The following YTHDC2 variants were observed in gnomAD, a reference collection of about 807,000 sequenced individuals.
YTHDC2 encodes the protein 3'-5' RNA helicase YTHDC2.
YTHDC2 carries 45 observed loss-of-function variants against 174.9 expected under a neutral mutation model. The ratio of observed to expected loss-of-function variants is 0.26; its 90% CI spans 0.20 to 0.33. The LOEUF is 0.33. YTHDC2 is among the 10% of genes least tolerant of loss of function. The pLI is 1.00. For synonymous variants in YTHDC2, 657 were observed against 574.5 expected (o/e 1.14, Z -2.05); for missense variants, 1,650 against 1,723.7 (o/e 0.96, Z 0.76).
At chr5:113,569,553 T>G (rs1482883830) in intron 23 of YTHDC2, among the ~76,000 whole-genome samples, 1 of 152,234 alleles carries the variant, frequency 6.6e-6, no homozygotes, top group Admixed American at 6.5e-5. Context: ...GTTTCAGTTT[T>G]CTGCATATAG....
intron 2 of YTHDC2, among the ~76,000 whole-genome samples, chr5:113,520,476 A>G (rs1191643093): frequency 1.3e-5 from 2 of 152,058 alleles, no homozygotes; most frequent in African/African-American, 4.8e-5. Flanking sequence ...AGAATAAAGG[A>G]TTATTGAAAA....
At chr5:113,592,257 A>T in intron 28 of YTHDC2, 79 bp downstream of exon 28, 1 of 1,360,928 alleles carries the variant, frequency 7.3e-7, no homozygotes, top group Non-Finnish European at 9.8e-7. Context: ...TTGAGGAGAA[A>T]ATGTAAGAGT....
At chr5:113,524,502 T>TTG (rs1295867341) in intron 2 of YTHDC2, among the ~76,000 whole-genome samples, 1 of 152,154 alleles carries the variant, frequency 6.6e-6, no homozygotes, top group Non-Finnish European at 1.5e-5. Flanking sequence ...ACCATGAAAC[T>TTG]TGGCTCTCTT....
In YTHDC2 at chr5:113,591,982, C is replaced by T; in HGVS notation, c.4030-14C>T. On this transcript the variant is annotated splice_polypyrimidine_tract_variant and intron_variant, in intron 27 of 29. Coordinates refer to ENST00000161863, the MANE Select transcript of YTHDC2 (RefSeq NM_022828.5). ...CCTCCTCACCTCTATTCCTTCCTCC[C>T]ATTTTACCTACAGGGATTTTCTAGG... The T allele has an allele frequency of 6.3e-7, 1 of 1,588,256 alleles. No homozygotes were observed. Among genetic ancestry groups the T allele is most frequent in the Non-Finnish European group, 8.6e-7 (1 of 1,166,118 alleles).
chr5:113,586,263 G>T (rs1262277672), intron 26 of YTHDC2, among the ~76,000 whole-genome samples: 1 of 151,958 alleles, frequency 6.6e-6, no homozygotes, highest in Non-Finnish European at 1.5e-5. Context: ...TACTAATGAT[G>T]TTGAGCATCT....
chr5:113,517,629 A>G (rs906841548), intron 2 of YTHDC2: 1 of 456,164 alleles, frequency 2.2e-6, no homozygotes, highest in African/African-American at 2.0e-5. Context: ...CTATTTATCC[A>G]GTCCCTAATA....
chr5:113,543,450 T>TCCCCTACTGTACATTTCACTC (rs1357363425), intron 10 of YTHDC2, among the ~76,000 whole-genome samples: 3 of 152,270 alleles, frequency 2.0e-5, no homozygotes, highest in South Asian at 2.1e-4. Context: ...ACTTTTCACT[T>TCCCCTACTGTACATTTCACTC]CCCCTACTGT....
intron 4 of YTHDC2, among the ~76,000 whole-genome samples, chr5:113,529,137 C>T (rs1012890260): frequency 6.6e-6 from 1 of 151,982 alleles, no homozygotes; most frequent in African/African-American, 2.4e-5. Context: ...TGATAATAAA[C>T]ATTGGTGAAA....
Position 113,567,636 on chromosome 5 carries a change from A to T in YTHDC2, c.3049-18A>T. ...GATAAACACAATTAACAATTTTTAA[A>T]ATTTATTTTCTTAATAGATTCCTCC... On this transcript the variant is annotated intron_variant, in intron 22 of 29. Transcript: ENST00000161863. 1 of 1,557,688 alleles carries T rather than the reference A, an allele frequency of 6.4e-7. No homozygotes were observed. Among genetic ancestry groups the T allele is most frequent in the Non-Finnish European group, 8.6e-7 (1 of 1,157,292 alleles).
chr5:113,561,767 A>G (rs993088986), intron 18 of YTHDC2, among the ~76,000 whole-genome samples: 1 of 152,088 alleles, frequency 6.6e-6, no homozygotes, highest in Non-Finnish European at 1.5e-5. Context: ...GCACCCAGCC[A>G]TATTTTTTTA....
At chr5:113,549,041 A>C (rs947671070) in intron 12 of YTHDC2, 21 bp downstream of exon 12, 15 of 1,582,216 alleles carry the variant, frequency 9.5e-6, no homozygotes, top group Non-Finnish European at 1.3e-5. Context: ...GTACTATTTT[A>C]AATTAATTCT....
At chr5:113,530,686 A>G (rs1441407995) in intron 4 of YTHDC2, among the ~76,000 whole-genome samples, 7 of 152,228 alleles carry the variant, frequency 4.6e-5, no homozygotes, top group East Asian at 1.9e-4. Context: ...TTTTGAACCA[A>G]TTGTTATGTG....
At chr5:113,580,554 G>A (rs1778337436) in intron 24 of YTHDC2, among the ~76,000 whole-genome samples, 1 of 152,018 alleles carries the variant, frequency 6.6e-6, no homozygotes, top group South Asian at 2.1e-4. Context: ...AGTTAACACT[G>A]GCTAGGTTTA....
At chr5:113,566,999 A>T (rs1580604295) in intron 21 of YTHDC2, 93 bp from the exon 22 acceptor site, 1 of 1,370,412 alleles carries the variant, frequency 7.3e-7, no homozygotes, top group East Asian at 2.5e-5. Flanking sequence ...TGAATATCAC[A>T]AAATTTACAT....
chr5:113,573,808 T>C (rs756939480), intron 23 of YTHDC2, among the ~76,000 whole-genome samples: 1 of 152,206 alleles, frequency 6.6e-6, no homozygotes, highest in Non-Finnish European at 1.5e-5. Flanking sequence ...GTTGTGTTTT[T>C]CAGCTCCGTT....
At chr5:113,544,633 T>C (rs1775727033) in intron 10 of YTHDC2, among the ~76,000 whole-genome samples, 1 of 152,182 alleles carries the variant, frequency 6.6e-6, no homozygotes, top group Admixed American at 6.5e-5. Context: ...TGAACATATG[T>C]ATTTATGCCT....
intron 26 of YTHDC2, 44 bp downstream of exon 26, chr5:113,584,523 G>C (rs1778571824): frequency 2.0e-6 from 3 of 1,480,716 alleles, no homozygotes; most frequent in Non-Finnish European, 1.8e-6. Flanking sequence ...CAGATTTGTA[G>C]CACATGTAAT....
chr5:113,554,881 C>T (rs7706215), intron 16 of YTHDC2, among the ~76,000 whole-genome samples: 47,136 of 151,674 alleles, frequency 0.31, 9,473 homozygotes, highest in African/African-American at 0.56. Context: ...AGACATATTA[C>T]TCATGTGTGG....
chr5:113,560,738 A>G (rs1258579333), intron 17 of YTHDC2, among the ~76,000 whole-genome samples: 1 of 152,254 alleles, frequency 6.6e-6, no homozygotes, highest in African/African-American at 2.4e-5. Flanking sequence ...AGTGCTTGAT[A>G]TAAGCTCAGT....
Sources: allele counts gnomAD v4.1 joint callset (sites outside exome capture counted in the v4.1 genomes callset), GRCh38; gene constraint gnomAD v4.1.1; transcripts MANE v1.5; gene names NCBI Gene and HGNC (gene_info 2026-07-23, HGNC 2026-07-21).